SNX18: variants seen among roughly 807,000 people sequenced by gnomAD.
SNX18 encodes sorting nexin-18.
SNX18 carries 35 observed loss-of-function variants against 48.7 expected under a neutral mutation model. The observed-to-expected ratio is 0.72, with a 90% CI of 0.55 to 0.95. The LOEUF (loss-of-function observed/expected upper bound fraction) is 0.95, where lower values mean the gene tolerates loss of function less well. Ranked by LOEUF, SNX18 falls within the 40% of genes least tolerant of loss-of-function variation. The probability of loss-of-function intolerance (pLI) is 0.00; values close to 1 mark genes in which losing one functional copy is unlikely to be tolerated. For missense variants in SNX18, 824 were observed against 871.0 expected (o/e 0.95, Z 0.68); for synonymous variants, 492 against 384.7 (o/e 1.28, Z -3.26).
chr5:54,527,629 C>A (rs1392193232), intron 1 of SNX18, among the ~76,000 whole-genome samples: 1 of 152,222 alleles, frequency 6.6e-6, no homozygotes, highest in Non-Finnish European at 1.5e-5. Context: ...TTTCTAGCTT[C>A]AGGTCTAGTC....
intron 1 of SNX18, among the ~76,000 whole-genome samples, chr5:54,540,210 T>C (rs963742189): frequency 4.2e-4 from 31 of 74,128 alleles, no homozygotes; most frequent in African/African-American, 1.7e-3. Context: ...TTAGACTTGT[T>C]CTTTTTTTTT....
chr5:54,517,884 G>T lies in SNX18; in HGVS notation c.-69G>T, dbSNP rs994733624. Reference sequence around the variant, plus strand: ...CGCGCGCCAGGGCTCGAGCAGTACCGCGGGCCCCTCAGGTGGGCCTCGGCT... The same window carrying T: ...CGCGCGCCAGGGCTCGAGCAGTACCTCGGGCCCCTCAGGTGGGCCTCGGCT... On this transcript the variant is annotated 5_prime_UTR_variant, in exon 1 of 2. Coordinates refer to ENST00000381410, the MANE Select transcript of SNX18 (RefSeq NM_001102575.2). The T allele has an allele frequency of 4.2e-6, 6 of 1,414,214 alleles. No individual in the cohort carries two copies. In the Admixed American group the frequency reaches 1.5e-4, roughly 36 times the overall value. The allele number at this position is 1,414,214 out of a possible 1,614,324, so 87.6% of individuals were successfully genotyped here.
the SNX18 span, among the ~76,000 whole-genome samples, chr5:54,575,600 G>A: frequency 2.0e-5 from 3 of 152,012 alleles, no homozygotes; most frequent in South Asian, 4.2e-4. Flanking sequence ...TCCTGACCTC[G>A]TGATCTGCCC....
chr5:54,568,833 CTTTTTTTTTTT>C, the SNX18 span, among the ~76,000 whole-genome samples: 16 of 69,528 alleles, frequency 2.3e-4, no homozygotes, highest in African/African-American at 9.9e-4. Flanking sequence ...TTCAGTGGTA[CTTTTTTTTTTT>C]TTTTTTTTTT....
rs1762548684 is a variant in SNX18 at position 54,544,806 on chromosome 5, T to C, written c.*1374T>C. ...TGCCCCAATCTCAATGTTTTTATAG[T>C]TGCTGAGCTAACTAATGTGATTATT... On this transcript the variant is annotated 3_prime_UTR_variant, in exon 2 of 2. Transcript: ENST00000381410. 1 of 152,154 alleles carries C rather than the reference T, an allele frequency of 6.6e-6. No homozygotes were observed. Among genetic ancestry groups the C allele is most frequent in the South Asian group, 2.1e-4 (1 of 4,834 alleles). The allele number at this position is 152,154 out of a possible 1,614,324, so 9.4% of individuals were successfully genotyped here.
In SNX18 at chr5:54,543,767, G is replaced by T. The variant is rs896551564; in HGVS notation, c.*335G>T. On this transcript the variant is annotated 3_prime_UTR_variant, in exon 2 of 2. Transcript: ENST00000381410. The stretch of plus-strand genomic sequence containing the variant: ...TTGTAGACCTCAAAACCCATGAAGG[G>T]TCTCAAAGAAGCTGGCTGGATACAA... The T allele has an allele frequency of 3.7e-4, 73 of 196,802 alleles. No individual in the cohort carries two copies. Among genetic ancestry groups the T allele is most frequent in the Non-Finnish European group, 2.1e-4 (20 of 96,388 alleles). The allele number at this position is 196,802 out of a possible 1,614,324, so 12.2% of individuals were successfully genotyped here. A position where few individuals can be genotyped will look rare whatever the true frequency, so the allele number is the denominator to read the frequency against.
chr5:54,518,213 GC>G lies in SNX18; in HGVS notation c.265del (p.Leu89CysfsTer137). 7.1e-7 allele frequency: 1 copy of G among 1,403,688 alleles called. No individual in the cohort carries two copies. The highest frequency in any genetic ancestry group is 9.2e-7 in the Non-Finnish European group (1 of 1,088,846). 87.0% of individuals were successfully genotyped at this position (1,403,688 alleles called of 1,614,324 possible). On this transcript the variant is annotated frameshift_variant, in exon 1 of 2. Coordinates refer to ENST00000381410, the MANE Select transcript of SNX18 (RefSeq NM_001102575.2). LOFTEE classifies it high-confidence loss of function. ...CCAATGTGCCCCCCGGGGGCTTCGA[GC>G]CCCTGCCTGTCGCGCCCCCCGCCTC... ...YANVPPGGFE[P>X]LPVAPPASFK...
At chr5:54,555,905 C>G in the SNX18 span, among the ~76,000 whole-genome samples, 5 of 151,696 alleles carry the variant, frequency 3.3e-5, no homozygotes, top group South Asian at 1.0e-3. Context: ...AGTATTAAAG[C>G]CTCAGTGTTG....
In SNX18 at chr5:54,518,874, C is replaced by G. The variant is rs762861892; in HGVS notation, c.922C>G (p.Pro308Ala). ...GCTGGTGCCCACGCACACGCAGGTG[C>G]CGGTGCATCGGCGCTACAAGCACTT... ...YKLVPTHTQV[P>A]VHRRYKHFDW... is the part of the protein sequence containing the mutation. The change falls in exon 1 of 2, where the codon CCG (proline) becomes GCG (alanine). Residue 308 changes from proline to alanine, a missense_variant. Coordinates refer to ENST00000381410, the MANE Select transcript of SNX18 (RefSeq NM_001102575.2). 8 of 1,613,650 alleles carry G rather than the reference C, an allele frequency of 5.0e-6. No individual in the cohort carries two copies. The South Asian group carries it at 8.8e-5, about 18-fold the overall frequency.
At chr5:54,601,905 A>G in the SNX18 span, among the ~76,000 whole-genome samples, 1 of 152,192 alleles carries the variant, frequency 6.6e-6, no homozygotes, top group Non-Finnish European at 1.5e-5. Context: ...AGGGCACATT[A>G]GAAACCAGGA....
At chr5:54,576,738 G>T in the SNX18 span, among the ~76,000 whole-genome samples, 1 of 152,144 alleles carries the variant, frequency 6.6e-6, no homozygotes, top group African/African-American at 2.4e-5. Flanking sequence ...AACCTTGAAG[G>T]CCTGGCGTTT....
At chr5:54,530,041 G>C (rs1483679263) in intron 1 of SNX18, among the ~76,000 whole-genome samples, 1 of 152,044 alleles carries the variant, frequency 6.6e-6, no homozygotes, top group Non-Finnish European at 1.5e-5. Flanking sequence ...CCCCTCCCTT[G>C]CCTCTCCAGC....
At chr5:54,537,997 A>C (rs745709805) in intron 1 of SNX18, among the ~76,000 whole-genome samples, 1 of 152,220 alleles carries the variant, frequency 6.6e-6, no homozygotes, top group African/African-American at 2.4e-5. Context: ...TAGCAAGTCT[A>C]TGATGATCTA....
At chr5:54,531,255 G>A (rs17441875) in intron 1 of SNX18, among the ~76,000 whole-genome samples, 8,571 of 152,126 alleles carry the variant, frequency 0.056, 281 homozygotes, top group Middle Eastern at 0.085. Flanking sequence ...AGGACCTGGT[G>A]AGGCGCTGGC....
At chr5:54,561,119 C>T in the SNX18 span, among the ~76,000 whole-genome samples, 9,430 of 152,194 alleles carry the variant, frequency 0.062, 390 homozygotes, top group Middle Eastern at 0.1. Flanking sequence ...CTCGGCTCAC[C>T]GCCACCTCTG....
At chr5:54,572,016 T>A in the SNX18 span, among the ~76,000 whole-genome samples, 2 of 152,146 alleles carry the variant, frequency 1.3e-5, no homozygotes, top group African/African-American at 4.8e-5. Context: ...TTCCCCAAGA[T>A]CTTGTTATTA....
chr5:54,530,770 T>TTTTTTTTTTTTTTA (rs1762240899), intron 1 of SNX18, among the ~76,000 whole-genome samples: 2 of 92,050 alleles, frequency 2.2e-5, no homozygotes, highest in South Asian at 4.1e-4. Context: ...TTTTTTTTTT[T>TTTTTTTTTTTTTTA]GAGACAGTTT....
At position 54,518,296 on chromosome 5, in the gene SNX18, C is replaced by A. The variant is rs769958200; in HGVS notation, c.344C>A (p.Pro115His). Residue 115 changes from proline to histidine, a missense_variant, in exon 1 of 2, where the codon CCT becomes CAT. Physicochemically the swap from Pro to His is moderately conservative, Grantham distance 77. Transcript: ENST00000381410. ...QALLQPQQAP[P>H]PSTFQPPGAG... is the part of the protein sequence containing the mutation. ...CTGCTGCAGCCACAGCAGGCGCCGC[C>A]TCCGAGCACCTTCCAGCCGCCCGGC... 3 of 1,512,836 alleles carry A rather than the reference C, an allele frequency of 2.0e-6. No homozygotes were observed. The highest frequency in any genetic ancestry group is 2.6e-6 in the Non-Finnish European group (3 of 1,134,304). The allele number at this position is 1,512,836 out of a possible 1,614,324, so 93.7% of individuals were successfully genotyped here.
At position 54,518,454 on chromosome 5, in the gene SNX18, C is replaced by T. The variant is rs1223727139; in HGVS notation, c.502C>T (p.Pro168Ser). The change falls in exon 1 of 2, where the codon CCG (proline) becomes TCG (serine). Residue 168 changes from proline to serine, a missense_variant. By Grantham distance (74) the Pro-to-Ser change is moderately conservative. Transcript: ENST00000381410. ...WDDSSTVADE[P>S]GALGSGAYPD... Reference sequence around the variant, plus strand: ...CGACAGCTCCACGGTGGCGGACGAGCCGGGCGCTCTGGGCAGCGGAGCATA... The same window carrying T: ...CGACAGCTCCACGGTGGCGGACGAGTCGGGCGCTCTGGGCAGCGGAGCATA... 2 of 1,572,476 alleles carry T rather than the reference C, an allele frequency of 1.3e-6. No individual in the cohort carries two copies. Among genetic ancestry groups the T allele is most frequent in the Non-Finnish European group, 1.7e-6 (2 of 1,159,852 alleles).
Sources: allele counts gnomAD v4.1 joint callset (sites outside exome capture counted in the v4.1 genomes callset), GRCh38; gene constraint gnomAD v4.1.1; transcripts MANE v1.5; gene names NCBI Gene and HGNC (gene_info 2026-07-23, HGNC 2026-07-21).